SNRNP40: variants seen among roughly 807,000 people sequenced by gnomAD.
The protein encoded by SNRNP40 is U5 small nuclear ribonucleoprotein 40 kDa protein.
Under a neutral mutation model 45.8 loss-of-function variants are expected in SNRNP40, and 21 were observed. The observed-to-expected ratio is 0.46, with a 90% CI of 0.32 to 0.66. SNRNP40 has a LOEUF of 0.66. SNRNP40 is among the 30% of genes least tolerant of loss of function. The pLI, the probability that SNRNP40 is intolerant of heterozygous loss-of-function variation, is 0.03. For missense variants in SNRNP40, 344 were observed against 439.1 expected (o/e 0.78, Z 1.94); for synonymous variants, 142 against 163.8 (o/e 0.87, Z 1.01).
chr1:31,281,345 T>C (rs560639199), intron 5 of SNRNP40, 29 bp downstream of exon 5: 1 of 1,534,210 alleles, frequency 6.5e-7, no homozygotes, highest in Non-Finnish European at 8.9e-7. Flanking sequence ...ATAGATGAAA[T>C]GGAAATATAT....
intron 4 of SNRNP40, among the ~76,000 whole-genome samples, chr1:31,287,306 T>C (rs1646066882): frequency 6.6e-6 from 1 of 152,150 alleles, no homozygotes; most frequent in African/African-American, 2.4e-5. Context: ...CAGTCATCTT[T>C]AGGTGATGTG....
intron 5 of SNRNP40, among the ~76,000 whole-genome samples, chr1:31,278,357 C>T (rs574040048): frequency 8.5e-5 from 13 of 152,114 alleles, no homozygotes; most frequent in South Asian, 8.3e-4. Context: ...ACAGTGGAGA[C>T]GAGGGCATCA....
chr1:31,281,275 G>A, intron 5 of SNRNP40, 99 bp downstream of exon 5: 2 of 939,206 alleles, frequency 2.1e-6, no homozygotes, highest in Non-Finnish European at 3.2e-6. Context: ...CTTTCAGTTG[G>A]TATTAAGTGC....
At position 31,296,754 on chromosome 1, in the gene SNRNP40, C is replaced by G. The variant is rs752879879; in HGVS notation, c.-3G>C. ...TTACGCTTCTGCTGTTCTATCATGGCGGCAACCGGTCTCTTCAGCGCCGCC... is the reference window on the plus strand; with the variant it reads ...TTACGCTTCTGCTGTTCTATCATGGGGGCAACCGGTCTCTTCAGCGCCGCC... On this transcript the variant is annotated 5_prime_UTR_variant, in exon 1 of 10. Transcript: ENST00000263694. 17 of 1,595,908 alleles carry G rather than the reference C, an allele frequency of 1.1e-5. No homozygotes were observed. The highest frequency in any genetic ancestry group is 1.4e-5 in the Non-Finnish European group (16 of 1,171,140).
intron 8 of SNRNP40, chr1:31,263,695 A>T: frequency 2.5e-6 from 1 of 397,830 alleles, no homozygotes; most frequent in Non-Finnish European, 4.8e-6. Flanking sequence ...GCTTAGGAAG[A>T]AGAAATTGTT....
At chr1:31,265,796 C>T (rs929927358) in intron 8 of SNRNP40, among the ~76,000 whole-genome samples, 1 of 152,188 alleles carries the variant, frequency 6.6e-6, no homozygotes, top group African/African-American at 2.4e-5. Flanking sequence ...GCAGAGATTG[C>T]ACCACTGCAC....
At chr1:31,261,903 G>C (rs1645861695) in intron 8 of SNRNP40, 2 of 258,502 alleles carry the variant, frequency 7.7e-6, no homozygotes, top group African/African-American at 4.5e-5. Flanking sequence ...ACACCACAGG[G>C]AAGAAAAGAA....
At chr1:31,284,442 A>G in intron 4 of SNRNP40, among the ~76,000 whole-genome samples, 1 of 152,200 alleles carries the variant, frequency 6.6e-6, no homozygotes. Context: ...GAGCCACTGC[A>G]CCCGGCCAAG....
Position 31,296,771 on chromosome 1 carries a change from A to C in SNRNP40, c.-20T>G, listed in dbSNP as rs746880503. The C allele has an allele frequency of 6.4e-7, 1 of 1,566,860 alleles. No homozygotes were observed. Among genetic ancestry groups the C allele is most frequent in the Non-Finnish European group, 8.7e-7 (1 of 1,155,350 alleles). ...TATCATGGCGGCAACCGGTCTCTTC[A>C]GCGCCGCCACTGACCGCGCTGCCGC... On this transcript the variant is annotated 5_prime_UTR_variant, in exon 1 of 10. Transcript: ENST00000263694.
chr1:31,291,394 A>G (rs1025913577), intron 3 of SNRNP40, among the ~76,000 whole-genome samples: 3 of 152,000 alleles, frequency 2.0e-5, no homozygotes, highest in Admixed American at 6.6e-5. Context: ...TTTTTATAAT[A>G]GAAATAGCTG....
chr1:31,274,276 T>C (rs1467909999), intron 5 of SNRNP40, among the ~76,000 whole-genome samples: 1 of 152,142 alleles, frequency 6.6e-6, no homozygotes, highest in East Asian at 1.9e-4. Flanking sequence ...CTCCCTCTGT[T>C]GCCAGGCTGG....
Position 31,291,988 on chromosome 1 carries a change from C to A in SNRNP40, c.290G>T (p.Gly97Val). The A allele has an allele frequency of 6.2e-7, 1 of 1,610,646 alleles. No homozygotes were observed. The highest frequency in any genetic ancestry group is 8.5e-7 in the Non-Finnish European group (1 of 1,176,850). ...CAGTGTGGCATAGTTATCACAGTCA[C>A]CATAGACATTCCACAGTACTGTTAG... ...DRLILLWNVY[G>V]DCDNYATLKG... The change falls in exon 3 of 10, where the codon GGT becomes GTT. Residue 97 changes from glycine (G) to valine (V), a missense_variant. By Grantham distance (109) the Gly-to-Val change is moderately radical (BLOSUM62 -3). This residue lies in a region of SNRNP40 where 254 missense variants were observed against 380.2 expected (regional missense o/e 0.67). Coordinates refer to ENST00000263694, the MANE Select transcript of SNRNP40 (RefSeq NM_004814.3).
rs1645843923 is a variant in SNRNP40, at chr1:31,259,672, C to T, written c.*400G>A. The T allele has an allele frequency of 2.4e-6, 1 of 420,792 alleles. No individual in the cohort carries two copies. Among genetic ancestry groups the T allele is most frequent in the Non-Finnish European group, 4.5e-6 (1 of 221,032 alleles). The allele number at this position is 420,792 out of a possible 1,614,324, so 26.1% of individuals were successfully genotyped here. A position where few individuals can be genotyped will look rare whatever the true frequency, so the allele number is the denominator to read the frequency against. On this transcript the variant is annotated 3_prime_UTR_variant, in exon 10 of 10. Transcript: ENST00000263694. ...ACAGCAATAAATCCAATCCACATGG[C>T]TCTTGTAAAAAGGCATCTATTTGGC... is the stretch of plus-strand genomic sequence containing the variant.
chr1:31,268,930 C>A (rs10493047), intron 7 of SNRNP40, among the ~76,000 whole-genome samples: 3 of 152,082 alleles, frequency 2.0e-5, no homozygotes, highest in African/African-American at 7.2e-5. Context: ...AAGTCAGATG[C>A]CCTCAGTTTG....
intron 2 of SNRNP40, 75 bp from the exon 3 acceptor site, chr1:31,292,081 G>A (rs1439811992): frequency 4.0e-6 from 4 of 988,538 alleles, no homozygotes; most frequent in African/African-American, 3.2e-5. Flanking sequence ...ACAGTTCTCA[G>A]GTCAGGCACG....
At chr1:31,294,575 T>A (rs1323794755) in intron 1 of SNRNP40, among the ~76,000 whole-genome samples, 1 of 151,946 alleles carries the variant, frequency 6.6e-6, no homozygotes, top group Admixed American at 6.6e-5. Context: ...TTCTCCTGCA[T>A]CAGCCTCCCG....
intron 5 of SNRNP40, among the ~76,000 whole-genome samples, chr1:31,280,171 T>TG (rs112549221): frequency 1.3e-4 from 12 of 90,000 alleles, no homozygotes; most frequent in Admixed American, 4.9e-4. Context: ...TATTCCTTTC[T>TG]TTTTTTTTTT....
At chr1:31,295,717 T>C (rs1389763659) in intron 1 of SNRNP40, among the ~76,000 whole-genome samples, 1 of 152,260 alleles carries the variant, frequency 6.6e-6, no homozygotes, top group Non-Finnish European at 1.5e-5. Context: ...TTTAGAAGGA[T>C]TCCTTTGGTT....
At chr1:31,282,206 A>G (rs1044507192) in intron 4 of SNRNP40, 11 of 152,182 alleles carry the variant, frequency 7.2e-5, no homozygotes, top group African/African-American at 2.7e-4. Context: ...CTTATTGTCA[A>G]AGAATAAACA....
Sources: gnomAD v4.1 joint callset for allele counts (sites outside exome capture counted in the v4.1 genomes callset) on GRCh38, gnomAD v4.1.1 for gene constraint, gnomAD v4.1.1 regional missense constraint, MANE v1.5 for transcripts, NCBI Gene and HGNC (gene_info 2026-07-23, HGNC 2026-07-21) for gene names.